NXN: variants seen among roughly 807,000 people sequenced by gnomAD.
NXN encodes the protein nucleoredoxin, also known as nucleoredoxin 1.
A neutral mutation model predicts 48.6 loss-of-function variants in NXN; 16 were observed. That is an observed-to-expected ratio of 0.33 (90% CI 0.22 to 0.50). The LOEUF (loss-of-function observed/expected upper bound fraction) is 0.50. Among genes scored for constraint, NXN ranks in the 20% least tolerant of loss-of-function variants. The pLI is 0.98. For synonymous variants in NXN, 281 were observed against 269.6 expected (o/e 1.04, Z -0.41); for missense variants, 492 against 605.5 (o/e 0.81, Z 1.97).
At chr17:813,110 G>A (rs898834477) in intron 5 of NXN, among the ~76,000 whole-genome samples, 2 of 152,212 alleles carry the variant, frequency 1.3e-5, no homozygotes, top group African/African-American at 4.8e-5. Context: ...CCGTAACCAC[G>A]GAATCACACA....
At chr17:811,287 G>T (rs1436307542) in intron 5 of NXN, among the ~76,000 whole-genome samples, 1 of 152,220 alleles carries the variant, frequency 6.6e-6, no homozygotes, top group Non-Finnish European at 1.5e-5. Context: ...CCTGAAGGTT[G>T]GGCCACGGGA....
In NXN at chr17:864,222, G is replaced by T. The variant is rs113826389; in HGVS notation, c.361-38144C>A. 9.7e-4 allele frequency: 1,306 copies of T among 1,352,260 alleles called. 15 individuals carry two copies. In the African/African-American group the frequency reaches 0.018, roughly 19 times the overall value. The allele number at this position is 1,352,260 out of a possible 1,614,324, so 83.8% of individuals were successfully genotyped here. A position where few individuals can be genotyped will look rare whatever the true frequency, so the allele number is the denominator to read the frequency against. On this transcript the variant is annotated intron_variant, in intron 1 of 7. Coordinates refer to ENST00000336868, the MANE Select transcript of NXN (RefSeq NM_022463.5). The stretch of plus-strand genomic sequence containing the variant: ...GAAGGGCACAGGATGGGCATTCATG[G>T]TACTTGTCTTCAACTTTTCTGTAGG...
At chr17:905,119 A>C (rs1281942223) in intron 1 of NXN, 2 of 152,152 alleles carry the variant, frequency 1.3e-5, no homozygotes, top group Non-Finnish European at 2.9e-5. Context: ...ATTATATTAA[A>C]ATTCTAAAAT....
rs1191004613 is a variant in NXN at position 978,130 on chromosome 17, C to A, written c.360+1189G>T. ...CAAGATTCTGCACATATAAAAGGAA[C>A]ACGTGGCACGCCTCGCCATGCTCCC... On this transcript the variant is annotated intron_variant, in intron 1 of 7. Coordinates refer to ENST00000336868, the MANE Select transcript of NXN (RefSeq NM_022463.5). The surrounding 1 kb of genome is among the most constrained non-coding windows in gnomAD (Gnocchi z 4.1). Among the ~76,000 whole-genome samples, 1 of 152,180 alleles carries A rather than the reference C, an allele frequency of 6.6e-6. No homozygotes were observed. The highest frequency in any genetic ancestry group is 1.5e-5 in the Non-Finnish European group (1 of 68,034).
At chr17:949,698 T>TGCCTCCTCCTCTCCCCGTG in intron 1 of NXN, among the ~76,000 whole-genome samples, 1 of 106,196 alleles carries the variant, frequency 9.4e-6, no homozygotes, top group Admixed American at 1.0e-4. Context: ...CTCTCCCCCC[T>TGCCTCCTCCTCTCCCCGTG]GCCTCCTCCT....
chr17:963,260 AT>A (rs11381662), intron 1 of NXN, among the ~76,000 whole-genome samples: 24 of 148,112 alleles, frequency 1.6e-4, no homozygotes, highest in South Asian at 1.1e-3. Context: ...TTTATTTGAA[AT>A]TTTTTTTTTA....
chr17:924,815 T>G (rs1369720174), intron 1 of NXN, among the ~76,000 whole-genome samples: 9 of 152,256 alleles, frequency 5.9e-5, no homozygotes, highest in Admixed American at 5.9e-4. Flanking sequence ...AGACCAAGCC[T>G]CATTCACACC....
Position 979,721 on chromosome 17 carries a change from C to T in NXN, c.-43G>A. ...CGGGCAGGCGGCTGCGACCCCGCTC[C>T]ACGGTCCGCGCGGCGGGAGGAGGCG... On this transcript the variant is annotated 5_prime_UTR_variant, in exon 1 of 8. Transcript: ENST00000336868. 7.7e-7 allele frequency: 1 copy of T among 1,299,786 alleles called. No individual in the cohort carries two copies. The highest frequency in any genetic ancestry group is 9.8e-7 in the Non-Finnish European group (1 of 1,024,002). 80.5% of individuals were successfully genotyped at this position (1,299,786 alleles called of 1,614,324 possible). A position where few individuals can be genotyped will look rare whatever the true frequency, so the allele number is the denominator to read the frequency against.
chr17:863,536 C>G (rs2068063225), intron 1 of NXN, among the ~76,000 whole-genome samples: 1 of 152,028 alleles, frequency 6.6e-6, no homozygotes, highest in Non-Finnish European at 1.5e-5. Flanking sequence ...TCACATCTCA[C>G]TGCCGCCTCA....
chr17:917,932 G>GATA lies in NXN; in HGVS notation c.360+61384_360+61386dup, dbSNP rs1477321493. ...GTTTTGTTGACAAGAACCCCTAATG[G>GATA]ATAATAATAAAATGTTTACTGAGCT... On this transcript the variant is annotated intron_variant, in intron 1 of 7. Transcript: ENST00000336868. The surrounding 1 kb of genome is among the most constrained non-coding windows in gnomAD (Gnocchi z 4.5). 1.3e-5 allele frequency among the ~76,000 whole-genome samples: 2 copies of GATA among 152,130 alleles called. No homozygotes were observed. The highest frequency in any genetic ancestry group is 2.9e-5 in the Non-Finnish European group (2 of 68,030).
rs8065360 is a variant in NXN at position 924,510 on chromosome 17, T to G, written c.360+54809A>C. Among the ~76,000 whole-genome samples the G allele has an allele frequency of 5.6e-3, 848 of 152,352 alleles. 11 individuals are homozygous for G. Among genetic ancestry groups the G allele is most frequent in the South Asian group, 0.02 (97 of 4,828 alleles). On this transcript the variant is annotated intron_variant, in intron 1 of 7. Coordinates refer to ENST00000336868, the MANE Select transcript of NXN (RefSeq NM_022463.5). ...CCTCGGCCTCCCGAAGTGCTAGGAT[T>G]ACAGGGATGAGCCACTGCGCCCGGC...
At position 956,759 on chromosome 17, in the gene NXN, C is replaced by G. The variant is rs2069174307; in HGVS notation, c.360+22560G>C. ...CATCGTCTTAAACCTCCACCGCAAC[C>G]TGACAAGGTGGACGCTGCTATCGTT... On this transcript the variant is annotated intron_variant, in intron 1 of 7. Coordinates refer to ENST00000336868, the MANE Select transcript of NXN (RefSeq NM_022463.5). This position sits in a 1 kb window ranked among gnomAD's most constrained non-coding sequence, Gnocchi z 4.1. 1.3e-5 allele frequency among the ~76,000 whole-genome samples: 2 copies of G among 152,166 alleles called. 1 individual carries two copies. The highest frequency in any genetic ancestry group is 4.1e-4 in the South Asian group (2 of 4,832).
At chr17:918,935 T>A (rs1246258859) in intron 1 of NXN, among the ~76,000 whole-genome samples, 1 of 146,108 alleles carries the variant, frequency 6.8e-6, no homozygotes, top group Non-Finnish European at 1.5e-5. Context: ...CAAGGTGGCG[T>A]GCGCCTGTAG....
intron 1 of NXN, among the ~76,000 whole-genome samples, chr17:878,943 T>A (rs1329177481): frequency 2.0e-5 from 3 of 152,076 alleles, no homozygotes; most frequent in African/African-American, 7.2e-5. Flanking sequence ...GGTGGGTGGA[T>A]CACCTGAGGT....
intron 1 of NXN, among the ~76,000 whole-genome samples, chr17:889,928 C>G (rs1485398056): frequency 6.6e-6 from 1 of 152,148 alleles, no homozygotes; most frequent in Non-Finnish European, 1.5e-5. Context: ...GCTCCCCCAA[C>G]CTGCCGTAGA....
At chr17:847,051 G>A (rs1307608289) in intron 1 of NXN, among the ~76,000 whole-genome samples, 1 of 152,116 alleles carries the variant, frequency 6.6e-6, no homozygotes, top group African/African-American at 2.4e-5. Context: ...TCGGCAGGGT[G>A]AGCTTTTCCG....
intron 1 of NXN, among the ~76,000 whole-genome samples, chr17:850,490 C>A (rs1018339898): frequency 6.6e-6 from 1 of 152,158 alleles, no homozygotes; most frequent in Admixed American, 6.5e-5. Context: ...GGAAGGTGGC[C>A]GTGAGCAAAC....
At position 864,114 on chromosome 17, in the gene NXN, CG is replaced by C. The variant is rs1294466684; in HGVS notation, c.361-38037del. ...GGTTCCGGTGAAGGGGCACGTTTAC[CG>C]TTGCTCACTTCCGGTGAAGGGGCAC... On this transcript the variant is annotated intron_variant, in intron 1 of 7. Coordinates refer to ENST00000336868, the MANE Select transcript of NXN (RefSeq NM_022463.5). 4.1e-6 allele frequency: 6 copies of C among 1,466,150 alleles called. No homozygotes were observed. In the Admixed American group the frequency reaches 1.3e-4, roughly 32 times the overall value. 90.8% of individuals were successfully genotyped at this position (1,466,150 alleles called of 1,614,324 possible).
At chr17:890,927 A>G (rs542939475) in intron 1 of NXN, among the ~76,000 whole-genome samples, 1 of 152,134 alleles carries the variant, frequency 6.6e-6, no homozygotes, top group Non-Finnish European at 1.5e-5. Flanking sequence ...CTGATGCTAC[A>G]CCACCTGCTT....
Sources: allele counts gnomAD v4.1 joint callset (sites outside exome capture counted in the v4.1 genomes callset), GRCh38; gene constraint gnomAD v4.1.1; non-coding constraint Gnocchi (gnomAD v3.1); transcripts MANE v1.5; gene names NCBI Gene and HGNC (gene_info 2026-07-23, HGNC 2026-07-21).